IQCM: variants seen among roughly 807,000 people sequenced by gnomAD.
IQCM encodes the protein IQ motif containing M.
IQCM carries 45 observed loss-of-function variants against 57.6 expected under a neutral mutation model. The observed-to-expected ratio is 0.78, with a 90% CI of 0.62 to 1.00. The LOEUF (loss-of-function observed/expected upper bound fraction) is 1.00, where lower values mean the gene tolerates loss of function less well. Ranked by LOEUF, IQCM falls within the 50% of genes least tolerant of loss-of-function variation. The pLI is 0.00. For synonymous variants in IQCM, 148 were observed against 158.9 expected, an observed-to-expected ratio of 0.93 and a Z score of 0.51; for missense variants, 468 against 511.6, an observed-to-expected ratio of 0.91 and a Z score of 0.82.
intron 8 of IQCM, among the ~76,000 whole-genome samples, chr4:149,601,852 C>T (rs751865890): frequency 2.0e-5 from 3 of 151,726 alleles, no homozygotes; most frequent in African/African-American, 7.3e-5. Context: ...AGATCGAGAC[C>T]ATCCTGGCTA....
At chr4:149,486,035 C>A (rs543711552) in intron 12 of IQCM, among the ~76,000 whole-genome samples, 16,158 of 149,964 alleles carry the variant, frequency 0.11, 1,292 homozygotes, top group East Asian at 0.3. Context: ...CTCTCTCTCT[C>A]TCTCTCTCTC....
At chr4:149,673,187 A>G (rs2150183254) in intron 7 of IQCM, among the ~76,000 whole-genome samples, 1 of 152,338 alleles carries the variant, frequency 6.6e-6, no homozygotes, top group East Asian at 1.9e-4. Flanking sequence ...AATTGAAAAG[A>G]CCATCGATGC....
intron 13 of IQCM, among the ~76,000 whole-genome samples, chr4:149,375,379 G>T (rs1730639857): frequency 6.6e-6 from 1 of 152,102 alleles, no homozygotes; most frequent in Admixed American, 6.6e-5. Context: ...GAGAGATCAA[G>T]AACTATGTCT....
chr4:149,357,035 G>C (rs999128016), intron 13 of IQCM, among the ~76,000 whole-genome samples: 1 of 152,046 alleles, frequency 6.6e-6, no homozygotes, highest in Non-Finnish European at 1.5e-5. Context: ...CTCATGATTT[G>C]GCTCTCTGTT....
intron 13 of IQCM, among the ~76,000 whole-genome samples, chr4:149,354,382 A>AAAAACAAC (rs1728807892): frequency 7.3e-6 from 1 of 136,486 alleles, no homozygotes; most frequent in African/African-American, 2.6e-5. Context: ...AAAAAAAAAA[A>AAAAACAAC]AAAAAAACTG....
chr4:149,505,788 A>G lies in IQCM; in HGVS notation c.1228+42667T>C, dbSNP rs762634159. Among the ~76,000 whole-genome samples the G allele has an allele frequency of 7.9e-5, 12 of 152,284 alleles. No individual in the cohort carries two copies. In the East Asian group the frequency reaches 1.5e-3, roughly 20 times the overall value. The stretch of plus-strand genomic sequence containing the variant: ...TCTCCATTCTCTATCTAGAAAATCA[A>G]TATAAAAAATCTGGTTGTTACTTTT... On this transcript the variant is annotated intron_variant, in intron 12 of 13. Coordinates refer to ENST00000636793, the MANE Select transcript of IQCM (RefSeq NM_001363507.2).
At chr4:149,573,570 C>T (rs956650337) in intron 9 of IQCM, among the ~76,000 whole-genome samples, 5 of 151,780 alleles carry the variant, frequency 3.3e-5, no homozygotes, top group African/African-American at 1.2e-4. Flanking sequence ...CCATTAATAT[C>T]AGCAGTAGTG....
chr4:149,544,844 G>A (rs768025719), intron 12 of IQCM, among the ~76,000 whole-genome samples: 1 of 152,142 alleles, frequency 6.6e-6, no homozygotes, highest in Non-Finnish European at 1.5e-5. Context: ...ATGACCACAT[G>A]CAAAAGAATA....
At chr4:149,363,827 G>C (rs557478744) in intron 13 of IQCM, among the ~76,000 whole-genome samples, 1 of 152,048 alleles carries the variant, frequency 6.6e-6, no homozygotes, top group East Asian at 1.9e-4. Context: ...ATAAATTTCT[G>C]GCATTCCATA....
chr4:149,619,532 C>G (rs1756131178), intron 8 of IQCM, among the ~76,000 whole-genome samples: 1 of 151,976 alleles, frequency 6.6e-6, no homozygotes, highest in Non-Finnish European at 1.5e-5. Flanking sequence ...ATTTGACTCA[C>G]AAGGAATTTA....
intron 8 of IQCM, among the ~76,000 whole-genome samples, chr4:149,612,562 G>C (rs1755393100): frequency 6.6e-6 from 1 of 151,984 alleles, no homozygotes; most frequent in Non-Finnish European, 1.5e-5. Flanking sequence ...TGTACTAAAA[G>C]TAGCAAAGCA....
intron 2 of IQCM, among the ~76,000 whole-genome samples, chr4:149,802,011 T>C (rs545610873): frequency 6.6e-6 from 1 of 151,864 alleles, no homozygotes; most frequent in South Asian, 2.1e-4. Context: ...CCTATTAATA[T>C]ATATATATCT....
chr4:149,623,875 G>A (rs1162651582), intron 7 of IQCM, among the ~76,000 whole-genome samples: 7 of 152,038 alleles, frequency 4.6e-5, no homozygotes, highest in Admixed American at 2.6e-4. Context: ...TGAGGAAAAC[G>A]CAATATCAAG....
At chr4:149,813,113 A>T (rs768789910) in intron 2 of IQCM, among the ~76,000 whole-genome samples, 1 of 151,842 alleles carries the variant, frequency 6.6e-6, no homozygotes, top group Admixed American at 6.6e-5. Flanking sequence ...CAAAAAAAGC[A>T]TTCTTAGTCC....
chr4:149,491,339 T>A (rs1742072256), intron 12 of IQCM, among the ~76,000 whole-genome samples: 1 of 152,104 alleles, frequency 6.6e-6, no homozygotes, highest in South Asian at 2.1e-4. Flanking sequence ...TACATTGTTA[T>A]TAACTATAGT....
At chr4:149,694,041 C>G (rs1459461364) in intron 5 of IQCM, among the ~76,000 whole-genome samples, 3 of 152,032 alleles carry the variant, frequency 2.0e-5, no homozygotes, top group Non-Finnish European at 4.4e-5. Context: ...ACTTATTTCC[C>G]TTGAATCCTC....
intron 8 of IQCM, among the ~76,000 whole-genome samples, chr4:149,607,366 G>C (rs1754882690): frequency 6.6e-6 from 1 of 152,000 alleles, no homozygotes; most frequent in South Asian, 2.1e-4. Context: ...ACTGACACCA[G>C]ACCTGTTTTC....
chr4:149,513,048 T>C (rs906914593), intron 12 of IQCM, among the ~76,000 whole-genome samples: 6 of 152,214 alleles, frequency 3.9e-5, no homozygotes, highest in Non-Finnish European at 7.3e-5. Flanking sequence ...TAGCCCAAAT[T>C]CACTCTAGGT....
chr4:149,519,873 C>T (rs112204583), intron 12 of IQCM, among the ~76,000 whole-genome samples: 26 of 151,758 alleles, frequency 1.7e-4, no homozygotes, highest in African/African-American at 5.3e-4. Flanking sequence ...GGCGTGGTGG[C>T]GGGTGCCTGT....
Sources: allele counts gnomAD v4.1 joint callset (sites outside exome capture counted in the v4.1 genomes callset), GRCh38; gene constraint gnomAD v4.1.1; transcripts MANE v1.5; gene names NCBI Gene and HGNC (gene_info 2026-07-23, HGNC 2026-07-21).